Variants in EXTL1 observed in about 807,000 individuals in gnomAD.
The protein encoded by EXTL1 is exostosin-like 1.
EXTL1 carries 43 observed loss-of-function variants against 64.6 expected under a neutral mutation model. The observed-to-expected ratio is 0.67, with a 90% CI of 0.52 to 0.86. The LOEUF is 0.86. Among genes scored for constraint, EXTL1 ranks in the 40% least tolerant of loss-of-function variants. The pLI, the probability that EXTL1 is intolerant of heterozygous loss-of-function variation, is 0.00. For missense variants in EXTL1, 766 were observed against 879.0 expected, an observed-to-expected ratio of 0.87 and a Z score of 1.62; for synonymous variants, 352 against 360.5, an observed-to-expected ratio of 0.98 and a Z score of 0.27.
chr1:26,029,888 T>C (rs1309913816), intron 3 of EXTL1, among the ~76,000 whole-genome samples, 181 bp downstream of exon 3: 2 of 152,192 alleles, frequency 1.3e-5, no homozygotes, highest in Non-Finnish European at 2.9e-5. Context: ...GAGCTAGAGA[T>C]TCCTAAGGGT....
chr1:26,032,049 C>A (rs1350182971), intron 6 of EXTL1: 1 of 258,572 alleles, frequency 3.9e-6, no homozygotes, highest in Non-Finnish European at 7.3e-6. Context: ...TTGAGCTGGG[C>A]TGGGAGTCAT....
Position 26,033,093 on chromosome 1 carries a change from G to A in EXTL1, c.1432-136G>A, listed in dbSNP as rs1438539930. ...ACAGGCTTGCCATATTTGAGGCCCAGGCGTCTACACTGTGCCTGAAGGGAG... is the reference window on the plus strand; with the variant it reads ...ACAGGCTTGCCATATTTGAGGCCCAAGCGTCTACACTGTGCCTGAAGGGAG... On this transcript the variant is annotated intron_variant, in intron 7 of 10. Transcript: ENST00000374280. The surrounding 1 kb of genome is among the most constrained non-coding windows in gnomAD (Gnocchi z 5.1). The A allele has an allele frequency of 4.8e-6, 3 of 628,024 alleles. No individual in the cohort carries two copies. The highest frequency in any genetic ancestry group is 5.7e-6 in the Non-Finnish European group (2 of 349,912). The allele number at this position is 628,024 out of a possible 1,614,324, so 38.9% of individuals were successfully genotyped here. A position where few individuals can be genotyped will look rare whatever the true frequency, so the allele number is the denominator to read the frequency against.
intron 1 of EXTL1, among the ~76,000 whole-genome samples, chr1:26,026,560 C>G (rs1286945077): frequency 1.3e-5 from 2 of 152,188 alleles, no homozygotes; most frequent in East Asian, 3.9e-4. Flanking sequence ...TCCCAAAGTG[C>G]TGAGATTACA....
intron 3 of EXTL1, 123 bp from the exon 4 acceptor site, chr1:26,030,350 TGAG>T: frequency 1.1e-5 from 6 of 557,058 alleles, no homozygotes; most frequent in South Asian, 5.3e-5. Context: ...TTTTTTTTTT[TGAG>T]ATAGGATCTT....
At position 26,035,480 on chromosome 1, in the gene EXTL1, C is replaced by G. The variant is rs377334479; in HGVS notation, c.*133C>G. 10 of 804,124 alleles carry G rather than the reference C, an allele frequency of 1.2e-5. No individual in the cohort carries two copies. Among genetic ancestry groups the G allele is most frequent in the Non-Finnish European group, 1.9e-5 (10 of 523,414 alleles). The allele number at this position is 804,124 out of a possible 1,614,324, so 49.8% of individuals were successfully genotyped here. On this transcript the variant is annotated 3_prime_UTR_variant, in exon 11 of 11. Transcript: ENST00000374280. The surrounding 1 kb of genome is among the most constrained non-coding windows in gnomAD (Gnocchi z 5.3). ...GCCAGCGGGCCCACACGTCGGACCC[C>G]GGTTGGCCAATCACAACAGGGGGGC...
rs548210994 is a variant in EXTL1, at chr1:26,023,547, C to G, written c.779+122C>G. The G allele has an allele frequency of 9.4e-6, 10 of 1,062,520 alleles. No individual in the cohort carries two copies. The Admixed American group carries it at 3.1e-4, about 32-fold the overall frequency. The allele number at this position is 1,062,520 out of a possible 1,614,324, so 65.8% of individuals were successfully genotyped here. A position where few individuals can be genotyped will look rare whatever the true frequency, so the allele number is the denominator to read the frequency against. Reference sequence around the variant, plus strand: ...CCAGGTAGTCCTGGTAGACTTAGGCCTCAGCTGCAGCAGCAGGAGGGAGCC... The same window carrying G: ...CCAGGTAGTCCTGGTAGACTTAGGCGTCAGCTGCAGCAGCAGGAGGGAGCC... On this transcript the variant is annotated intron_variant, in intron 1 of 10. Coordinates refer to ENST00000374280, the MANE Select transcript of EXTL1 (RefSeq NM_004455.3).
rs564937297 is a variant in EXTL1, at chr1:26,022,752, C to G, written c.106C>G (p.Pro36Ala). 6.2e-7 allele frequency: 1 copy of G among 1,614,102 alleles called. No homozygotes were observed. The highest frequency in any genetic ancestry group is 1.1e-5 in the South Asian group (1 of 91,086). Residue 36 changes from proline to alanine, a missense_variant, in exon 1 of 11, where the codon CCC becomes GCC. Around this residue, in one of 3 missense-constraint regions of EXTL1, gnomAD observed 571 missense variants for 647.6 expected, o/e 0.88. Transcript: ENST00000374280. ...GFSLLRLALP[P>A]RPRPGASQGW... ...CTCCCTTCTCCGCCTGGCATTGCCT[C>G]CCAGACCTCGGCCCGGGGCTTCCCA...
intron 6 of EXTL1, 78 bp downstream of exon 6, chr1:26,031,644 A>G: frequency 1.2e-6 from 1 of 811,196 alleles, no homozygotes; most frequent in South Asian, 2.7e-5. Flanking sequence ...TGACTTCCAG[A>G]CCCCAAAGAT....
chr1:26,030,631 G>C, intron 4 of EXTL1, 36 bp downstream of exon 4: 1 of 1,585,266 alleles, frequency 6.3e-7, no homozygotes, highest in Non-Finnish European at 8.6e-7. Flanking sequence ...CCTGGCTCTT[G>C]ACTCCTGCTT....
At chr1:26,027,850 G>A (rs920766128) in intron 1 of EXTL1, among the ~76,000 whole-genome samples, 5 of 152,088 alleles carry the variant, frequency 3.3e-5, no homozygotes, top group Non-Finnish European at 5.9e-5. Context: ...TGTCTCAGAA[G>A]AAAAAGATGA....
At chr1:26,029,108 G>T (rs1240896377) in intron 1 of EXTL1, 85 bp from the exon 2 acceptor site, 1 of 927,156 alleles carries the variant, frequency 1.1e-6, no homozygotes, top group African/African-American at 1.6e-5. Flanking sequence ...GCAGGGGTGT[G>T]GGGTTCTCCC....
Position 26,023,865 on chromosome 1 carries a change from G to A in EXTL1, c.779+440G>A, listed in dbSNP as rs1398757519. Among the ~76,000 whole-genome samples, 5 of 152,306 alleles carry A rather than the reference G, an allele frequency of 3.3e-5. No individual in the cohort carries two copies. In the South Asian group the frequency reaches 8.3e-4, roughly 25 times the overall value. On this transcript the variant is annotated intron_variant, in intron 1 of 10. Coordinates refer to ENST00000374280, the MANE Select transcript of EXTL1 (RefSeq NM_004455.3). The stretch of plus-strand genomic sequence containing the variant: ...TAAGTAATTTTTCTCAGGCCACCCA[G>A]CCGGAAAGAGCCAGTATTTTGATCC...
rs902719419 is a variant in EXTL1, at chr1:26,033,187, G to T, written c.1432-42G>T. ...CCTACTTATTGGATGGGGGTGGGGG[G>T]AATGTTCCAATGGCTGAGTTCCCCT... On this transcript the variant is annotated intron_variant, in intron 7 of 10. Coordinates refer to ENST00000374280, the MANE Select transcript of EXTL1 (RefSeq NM_004455.3). The surrounding 1 kb of genome is among the most constrained non-coding windows in gnomAD (Gnocchi z 5.1). 1 of 1,370,146 alleles carries T rather than the reference G, an allele frequency of 7.3e-7. No homozygotes were observed. Among genetic ancestry groups the T allele is most frequent in the Non-Finnish European group, 1.0e-6 (1 of 958,124 alleles). 84.9% of individuals were successfully genotyped at this position (1,370,146 alleles called of 1,614,324 possible).
Position 26,033,758 on chromosome 1 carries a change from G to T in EXTL1, c.1581G>T (p.Ser527=). 4 of 1,614,102 alleles carry T rather than the reference G, an allele frequency of 2.5e-6. No homozygotes were observed. Among genetic ancestry groups the T allele is most frequent in the Non-Finnish European group, 3.4e-6 (4 of 1,180,010 alleles). ...AGCGGATGGTGGGCTTCCTGACGTC[G>T]AGCCATTTCTGGGACGAGGCCCATG... ...FPERMVGFLT[S]SHFWDEAHGG... Residue 527 remains serine (S), a synonymous_variant, in exon 9 of 11, where the codon TCG becomes TCT. Transcript: ENST00000374280. This position sits in a 1 kb window ranked among gnomAD's most constrained non-coding sequence, Gnocchi z 5.1.
chr1:26,035,579 G>A lies in EXTL1; in HGVS notation c.*232G>A. ...GGCTGAGCCCCGCGACCGGAGCGCC[G>A]CTCTCCGCTTCTCCACCCAGCTAAC... On this transcript the variant is annotated 3_prime_UTR_variant, in exon 11 of 11. Transcript: ENST00000374280. The surrounding 1 kb of genome is among the most constrained non-coding windows in gnomAD (Gnocchi z 5.3). 2 of 448,924 alleles carry A rather than the reference G, an allele frequency of 4.5e-6. No individual in the cohort carries two copies. Among genetic ancestry groups the A allele is most frequent in the Non-Finnish European group, 7.9e-6 (2 of 252,104 alleles). The allele number at this position is 448,924 out of a possible 1,614,324, so 27.8% of individuals were successfully genotyped here.
At chr1:26,032,162 C>A in intron 6 of EXTL1, 1 of 492,330 alleles carries the variant, frequency 2.0e-6, no homozygotes, top group South Asian at 3.0e-5. Context: ...CTCTTGAGTT[C>A]TGAAGCCACA....
rs2050327767 is a variant in EXTL1 at position 26,035,328 on chromosome 1, G to A, written c.2012G>A (p.Arg671His). The A allele has an allele frequency of 6.2e-7, 1 of 1,610,338 alleles. No homozygotes were observed. ...DPVSVQRKKY[R>H]SLEKP is the part of the protein sequence containing the mutation. Reference sequence around the variant, plus strand: ...GTGTCCGTGCAGCGCAAGAAGTACCGCAGCCTGGAGAAGCCCTAGGGGGGC... The same window carrying A: ...GTGTCCGTGCAGCGCAAGAAGTACCACAGCCTGGAGAAGCCCTAGGGGGGC... Residue 671 changes from arginine (R) to histidine (H), a missense_variant, in exon 11 of 11, where the codon CGC (arginine) becomes CAC (histidine). Physicochemically the swap from Arg to His is conservative, Grantham distance 29 (BLOSUM62 0). This residue lies in a region of EXTL1 where 194 missense variants were observed against 214.5 expected (regional missense o/e 0.90). Coordinates refer to ENST00000374280, the MANE Select transcript of EXTL1 (RefSeq NM_004455.3). This position sits in a 1 kb window ranked among gnomAD's most constrained non-coding sequence, Gnocchi z 5.3.
rs771577315 is a variant in EXTL1 at position 26,031,315 on chromosome 1, C to G, written c.1234+51C>G. On this transcript the variant is annotated intron_variant, in intron 5 of 10. Transcript: ENST00000374280. ...GAAGTCCCCTCAGCTCTACCCAGGG[C>G]TGCCCCAGCCTCATCTGGAGAGCCC... The G allele has an allele frequency of 1.0e-5, 16 of 1,587,722 alleles. No homozygotes were observed. In the East Asian group the frequency reaches 1.6e-4, roughly 16 times the overall value.
Position 26,033,406 on chromosome 1 carries a change from C to T in EXTL1, c.1518+91C>T. The T allele has an allele frequency of 1.7e-6, 2 of 1,152,732 alleles. No individual in the cohort carries two copies. Among genetic ancestry groups the T allele is most frequent in the South Asian group, 1.2e-5 (1 of 81,018 alleles). 71.4% of individuals were successfully genotyped at this position (1,152,732 alleles called of 1,614,324 possible). ...CTCAGGTTCCCAGGGTTGAGGGGAC[C>T]CCAGGTCATGAGGTCCAGCCTCTTG... is the stretch of plus-strand genomic sequence containing the variant. On this transcript the variant is annotated intron_variant, in intron 8 of 10. Transcript: ENST00000374280. The surrounding 1 kb of genome is among the most constrained non-coding windows in gnomAD (Gnocchi z 5.1).
Sources: gnomAD v4.1 joint callset for allele counts (sites outside exome capture counted in the v4.1 genomes callset) on GRCh38, gnomAD v4.1.1 for gene constraint, gnomAD v4.1.1 regional missense constraint, Gnocchi (gnomAD v3.1) non-coding constraint, MANE v1.5 for transcripts, NCBI Gene and HGNC (gene_info 2026-07-23, HGNC 2026-07-21) for gene names.